Variants in TLR6 observed in about 807,000 individuals in gnomAD.
The protein encoded by TLR6 is toll like receptor 6, also known as toll-like receptor 6.
A neutral mutation model predicts 16.1 loss-of-function variants in TLR6; 9 were observed. The ratio of observed to expected loss-of-function variants is 0.56; its 90% confidence interval spans 0.34 to 0.98. TLR6 has a LOEUF of 0.98. Ranked by LOEUF, TLR6 falls within the 50% of genes least tolerant of loss-of-function variation. The probability of loss-of-function intolerance (pLI) is 0.02; values close to 1 mark genes in which losing one functional copy is unlikely to be tolerated. For synonymous variants in TLR6, 340 were observed against 338.6 expected (o/e 1.00, Z -0.04); for missense variants, 786 against 921.0 (o/e 0.85, Z 1.90).
upstream of TLR6, among the ~76,000 whole-genome samples, chr4:38,861,795 T>C (rs139759025): frequency 3.5e-4 from 54 of 152,258 alleles, no homozygotes; most frequent in African/African-American, 1.2e-3. Context: ...GTCTAGGTCC[T>C]CTTTATCTCT....
chr4:38,830,296 C>T (rs918931049), intron 1 of TLR6, among the ~76,000 whole-genome samples: 1 of 152,216 alleles, frequency 6.6e-6, no homozygotes, highest in African/African-American at 2.4e-5. Flanking sequence ...AAGTTACTGG[C>T]TGACCACTAA....
At chr4:38,857,102 C>T (rs1259580065), upstream of TLR6, among the ~76,000 whole-genome samples, 1 of 152,182 alleles carries the variant, frequency 6.6e-6, no homozygotes, top group East Asian at 1.9e-4. Context: ...TTACATTTGT[C>T]ACCTGAGTGG....
chr4:38,841,362 G>A (rs1188929499), intron 1 of TLR6, among the ~76,000 whole-genome samples: 4 of 152,146 alleles, frequency 2.6e-5, no homozygotes, highest in African/African-American at 2.4e-5. Flanking sequence ...AGGCCACAGC[G>A]GGCAGATGGC....
intron 1 of TLR6, among the ~76,000 whole-genome samples, chr4:38,844,257 C>T (rs1712418007): frequency 1.3e-5 from 2 of 152,204 alleles, no homozygotes; most frequent in African/African-American, 4.8e-5. Context: ...TCAGGAATTG[C>T]AGTTTTTATA....
At chr4:38,828,857 G>T in exon 2 of TLR6, 1 of 1,613,986 alleles carries the variant, frequency 6.2e-7, no homozygotes, top group Non-Finnish European at 8.5e-7. Flanking sequence ...GAATAAACTA[G>T]TTGGGTGAAA....
chr4:38,837,694 C>A (rs778463120), intron 1 of TLR6, among the ~76,000 whole-genome samples: 22 of 152,086 alleles, frequency 1.4e-4, no homozygotes, highest in Non-Finnish European at 2.5e-4. Context: ...AGGTAAAGAT[C>A]TTATGGCTAA....
chr4:38,861,473 C>G (rs1217853137), upstream of TLR6, among the ~76,000 whole-genome samples: 1 of 152,220 alleles, frequency 6.6e-6, no homozygotes, highest in East Asian at 1.9e-4. Flanking sequence ...ATTCCCCAGC[C>G]CCACTGCACT....
At chr4:38,856,693 T>G (rs1461073627) in intron 1 of TLR6, 68 bp downstream of exon 1, 1 of 152,218 alleles carries the variant, frequency 6.6e-6, no homozygotes, top group Non-Finnish European at 1.5e-5. Context: ...AATGAATGGT[T>G]AGCAAACTTG....
intron 1 of TLR6, among the ~76,000 whole-genome samples, chr4:38,850,234 G>A (rs1712709814): frequency 6.6e-6 from 1 of 152,206 alleles, no homozygotes; most frequent in Non-Finnish European, 1.5e-5. Context: ...AAAGCAGTGT[G>A]TAGAGGGAAA....
chr4:38,858,774 A>G (rs866977978), upstream of TLR6, among the ~76,000 whole-genome samples: 57 of 48,920 alleles, frequency 1.2e-3, no homozygotes, highest in Middle Eastern at 0.021. Context: ...AGAGAGAGAG[A>G]GGGAGAGAGA....
chr4:38,835,490 A>G (rs1186893068), intron 1 of TLR6, among the ~76,000 whole-genome samples: 1 of 152,256 alleles, frequency 6.6e-6, no homozygotes, highest in African/African-American at 2.4e-5. Context: ...ATTAGATCAA[A>G]AGAGAGAGAT....
chr4:38,828,300 G>C, exon 2 of TLR6: 1 of 1,613,516 alleles, frequency 6.2e-7, no homozygotes. Context: ...ACTTTGAAAA[G>C]GTCTTTTAAT....
chr4:38,825,249 A>T (rs1727491580), exon 2 of TLR6: 1 of 152,230 alleles, frequency 6.6e-6, no homozygotes, highest in African/African-American at 2.4e-5. Flanking sequence ...ATCTCACTTT[A>T]GTCATTGCAC....
At chr4:38,858,893 A>AAGAAAGAG (rs1713129825), upstream of TLR6, among the ~76,000 whole-genome samples, 2 of 148,272 alleles carry the variant, frequency 1.3e-5, no homozygotes, top group South Asian at 4.5e-4. Flanking sequence ...GAAAGAGAGA[A>AAGAAAGAG]AGAAAGAAAG....
At chr4:38,858,895 GAAAGAAAGA>G (rs1713130165), upstream of TLR6, among the ~76,000 whole-genome samples, 2 of 143,630 alleles carry the variant, frequency 1.4e-5, no homozygotes, top group African/African-American at 5.3e-5. Flanking sequence ...AAGAGAGAAA[GAAAGAAAGA>G]AAAGAAAGAA....
chr4:38,840,633 CA>C (rs377719537), intron 1 of TLR6, among the ~76,000 whole-genome samples: 27,459 of 107,098 alleles, frequency 0.26, 5,440 homozygotes, highest in African/African-American at 0.55. Context: ...GACTCCCTCT[CA>C]AAAAAAAAAA....
chr4:38,858,409 T>C (rs1282436763), upstream of TLR6, among the ~76,000 whole-genome samples: 2 of 152,140 alleles, frequency 1.3e-5, no homozygotes, highest in Non-Finnish European at 2.9e-5. Flanking sequence ...TTTCAGGATA[T>C]ACTATGAAGT....
At chr4:38,838,084 A>T (rs1442790712) in intron 1 of TLR6, among the ~76,000 whole-genome samples, 2 of 152,242 alleles carry the variant, frequency 1.3e-5, no homozygotes, top group Non-Finnish European at 2.9e-5. Flanking sequence ...CATCAAAAAG[A>T]CAATAAATAG....
chr4:38,831,883 A>G (rs1001462494), intron 1 of TLR6, among the ~76,000 whole-genome samples: 4 of 152,234 alleles, frequency 2.6e-5, no homozygotes, highest in Non-Finnish European at 5.9e-5. Context: ...TGGAGCAACA[A>G]GAACTCTCTT....
Sources: gnomAD v4.1 joint callset for allele counts (sites outside exome capture counted in the v4.1 genomes callset) on GRCh38, gnomAD v4.1.1 for gene constraint, MANE v1.5 for transcripts, NCBI Gene and HGNC (gene_info 2026-07-23, HGNC 2026-07-21) for gene names.